Variants in ANKS1B observed in about 807,000 individuals in gnomAD.
The protein encoded by ANKS1B is ankyrin repeat and sterile alpha motif domain-containing protein 1B.
A neutral mutation model predicts 148.3 loss-of-function variants in ANKS1B; 36 were observed. The ratio of observed to expected loss-of-function variants is 0.24; its 90% CI spans 0.19 to 0.32. ANKS1B has a LOEUF of 0.32. ANKS1B is among the 10% of genes least tolerant of loss of function. The pLI, the probability that ANKS1B is intolerant of heterozygous loss-of-function variation, is 1.00. For missense variants in ANKS1B, 1,157 were observed against 1,542.6 expected (o/e 0.75, Z 4.19); for synonymous variants, 542 against 560.8 (o/e 0.97, Z 0.47).
intron 10 of ANKS1B, among the ~76,000 whole-genome samples, chr12:99,448,252 T>C (rs889833460): frequency 6.6e-6 from 1 of 152,046 alleles, no homozygotes; most frequent in Non-Finnish European, 1.5e-5. Context: ...ATACATACAG[T>C]GGAATACTAT....
At position 99,984,091 on chromosome 12, in the gene ANKS1B, T is replaced by A. The variant is rs369961401; in HGVS notation, c.134+13A>T. The A allele has an allele frequency of 4.4e-6, 7 of 1,607,226 alleles. No homozygotes were observed. In the Middle Eastern group the frequency reaches 8.3e-4, roughly 190 times the overall value. On this transcript the variant is annotated intron_variant, in intron 1 of 26. Coordinates refer to ENST00000683438, the MANE Select transcript of ANKS1B (RefSeq NM_001352186.2). ...TGAGGTGTGCCAACCCCGGAGCTGG[T>A]GCCCGTCCTTACCTTAGCAGATTAG...
intron 12 of ANKS1B, among the ~76,000 whole-genome samples, chr12:99,335,511 C>T (rs2088637957): frequency 6.6e-6 from 1 of 151,816 alleles, no homozygotes. Context: ...AGCTACCCTT[C>T]CCAGCCTCTA....
chr12:99,945,068 C>A (rs970530040), intron 1 of ANKS1B, among the ~76,000 whole-genome samples: 1 of 152,094 alleles, frequency 6.6e-6, no homozygotes, highest in South Asian at 2.1e-4. Flanking sequence ...TCAGAGGAGG[C>A]CCCTACCCTA....
chr12:99,714,025 T>C (rs1220248188), intron 8 of ANKS1B, among the ~76,000 whole-genome samples: 1 of 152,246 alleles, frequency 6.6e-6, no homozygotes, highest in Admixed American at 6.5e-5. Context: ...TTTTGAAATG[T>C]ACTGACATTT....
intron 12 of ANKS1B, among the ~76,000 whole-genome samples, chr12:99,355,305 G>A (rs1182353039): frequency 6.6e-6 from 1 of 151,956 alleles, no homozygotes; most frequent in Non-Finnish European, 1.5e-5. Flanking sequence ...TATTTCCTTG[G>A]CTTTGATGCT....
chr12:98,936,607 C>T (rs1394354999), intron 17 of ANKS1B, among the ~76,000 whole-genome samples: 1 of 151,836 alleles, frequency 6.6e-6, no homozygotes, highest in Non-Finnish European at 1.5e-5. Context: ...AGCCTGGTGA[C>T]AGAGTGAGAC....
intron 11 of ANKS1B, among the ~76,000 whole-genome samples, chr12:99,439,693 T>G (rs2095518521): frequency 6.6e-6 from 1 of 151,754 alleles, no homozygotes; most frequent in African/African-American, 2.4e-5. Flanking sequence ...ACATTGCTAC[T>G]GGTGACTATA....
At chr12:99,269,784 C>T (rs1180733906) in intron 12 of ANKS1B, among the ~76,000 whole-genome samples, 1 of 152,202 alleles carries the variant, frequency 6.6e-6, no homozygotes, top group Non-Finnish European at 1.5e-5. Flanking sequence ...TGGTCTCGAT[C>T]TCCTGACCTC....
At chr12:99,212,989 G>C (rs373814470) in intron 14 of ANKS1B, among the ~76,000 whole-genome samples, 1 of 152,186 alleles carries the variant, frequency 6.6e-6, no homozygotes, top group Admixed American at 6.5e-5. Context: ...GAGTACCAGC[G>C]TCAGGATTCA....
intron 8 of ANKS1B, among the ~76,000 whole-genome samples, chr12:99,706,812 C>G (rs993749493): frequency 2.6e-5 from 4 of 152,080 alleles, no homozygotes; most frequent in Admixed American, 2.6e-4. Context: ...CAAACTGAGG[C>G]TCTCGGTCAA....
chr12:99,659,361 ACT>A (rs1480229522), intron 8 of ANKS1B, among the ~76,000 whole-genome samples: 2 of 151,910 alleles, frequency 1.3e-5, no homozygotes, highest in Non-Finnish European at 2.9e-5. Flanking sequence ...TGGAGAACAA[ACT>A]CTGTTCCTGA....
chr12:99,806,372 C>G (rs1198814951), intron 4 of ANKS1B, 32 bp downstream of exon 4: 40 of 1,604,170 alleles, frequency 2.5e-5, no homozygotes, highest in Non-Finnish European at 3.4e-5. Flanking sequence ...ACAGCATCAT[C>G]ACTTTTAAAG....
At chr12:99,016,591 G>A (rs1385465209) in intron 17 of ANKS1B, among the ~76,000 whole-genome samples, 1 of 152,180 alleles carries the variant, frequency 6.6e-6, no homozygotes. Flanking sequence ...GGGAGGTGGA[G>A]GTTGCAGTGA....
chr12:99,225,494 G>A (rs1489832860), intron 14 of ANKS1B, among the ~76,000 whole-genome samples: 1 of 152,086 alleles, frequency 6.6e-6, no homozygotes, highest in Non-Finnish European at 1.5e-5. Flanking sequence ...TCTCCGTGAG[G>A]GTGTTGCCAA....
At chr12:99,451,198 T>A (rs975565349) in intron 10 of ANKS1B, among the ~76,000 whole-genome samples, 1 of 152,238 alleles carries the variant, frequency 6.6e-6, no homozygotes, top group Non-Finnish European at 1.5e-5. Flanking sequence ...TATTAATTAT[T>A]CATTATGAAT....
At chr12:99,130,833 A>G (rs1420810369) in intron 15 of ANKS1B, among the ~76,000 whole-genome samples, 3 of 152,110 alleles carry the variant, frequency 2.0e-5, no homozygotes, top group Non-Finnish European at 4.4e-5. Context: ...ACTCTGCACT[A>G]TTGTGTCTTC....
chr12:99,153,468 A>AG (rs1323012180), intron 15 of ANKS1B, among the ~76,000 whole-genome samples: 1 of 152,148 alleles, frequency 6.6e-6, no homozygotes, highest in Non-Finnish European at 1.5e-5. Context: ...TAGCTTAACA[A>AG]GGGGAACTGA....
At chr12:99,615,174 CACAG>C (rs35569353) in intron 9 of ANKS1B, among the ~76,000 whole-genome samples, 33,996 of 151,454 alleles carry the variant, frequency 0.22, 4,016 homozygotes, top group Non-Finnish European at 0.27. Flanking sequence ...AGATAGATTA[CACAG>C]ACAGACAGAC....
intron 9 of ANKS1B, among the ~76,000 whole-genome samples, chr12:99,516,281 T>C (rs1005281870): frequency 3.9e-5 from 6 of 152,164 alleles, no homozygotes; most frequent in African/African-American, 1.4e-4. Context: ...GTTTCATAGT[T>C]TGACATCTTG....
Sources: allele counts gnomAD v4.1 joint callset (sites outside exome capture counted in the v4.1 genomes callset), GRCh38; gene constraint gnomAD v4.1.1; transcripts MANE v1.5; gene names NCBI Gene and HGNC (gene_info 2026-07-23, HGNC 2026-07-21).